CLDN16: variants seen among roughly 807,000 people sequenced by gnomAD.
CLDN16 encodes claudin 16.
A neutral mutation model predicts 24.6 loss-of-function variants in CLDN16; 13 were observed. The observed-to-expected ratio is 0.53, with a 90% CI of 0.34 to 0.84. The LOEUF (loss-of-function observed/expected upper bound fraction) is 0.84, where lower values mean the gene tolerates loss of function less well. Among genes scored for constraint, CLDN16 ranks in the 40% least tolerant of loss-of-function variants. CLDN16 has a pLI of 0.01. For synonymous variants in CLDN16, 116 were observed against 106.7 expected (o/e 1.09, Z -0.54); for missense variants, 298 against 292.7 (o/e 1.02, Z -0.13).
chr3:190,372,594 T>C (rs930986515), intron 2 of CLDN16, among the ~76,000 whole-genome samples: 7 of 151,866 alleles, frequency 4.6e-5, no homozygotes, highest in Non-Finnish European at 7.4e-5. Flanking sequence ...CAGTGAGCTG[T>C]GAATGTCCTA....
At chr3:190,361,901 A>G (rs907337763) in intron 1 of CLDN16, among the ~76,000 whole-genome samples, 1 of 151,086 alleles carries the variant, frequency 6.6e-6, no homozygotes, top group Non-Finnish European at 1.5e-5. Context: ...ACTGTAATAA[A>G]GAAATGGGCA....
At chr3:190,376,667 C>G (rs1376431308) in intron 3 of CLDN16, among the ~76,000 whole-genome samples, 1 of 151,806 alleles carries the variant, frequency 6.6e-6, no homozygotes, top group Non-Finnish European at 1.5e-5. Context: ...TTTAGGTATC[C>G]AAACTTAATC....
At chr3:190,298,584 T>A in the CLDN16 span, among the ~76,000 whole-genome samples, 4 of 152,064 alleles carry the variant, frequency 2.6e-5, no homozygotes, top group African/African-American at 9.7e-5. Context: ...GCCTCCCAAG[T>A]AGCTGGAATT....
chr3:190,409,034 T>C (rs1260542865), intron 4 of CLDN16, among the ~76,000 whole-genome samples: 1 of 151,058 alleles, frequency 6.6e-6, no homozygotes, highest in Non-Finnish European at 1.5e-5. Flanking sequence ...ATAGTTGTAG[T>C]TGTGGATTTT....
upstream of CLDN16, among the ~76,000 whole-genome samples, chr3:190,385,095 C>T (rs906276039): frequency 2.0e-5 from 3 of 152,100 alleles, no homozygotes; most frequent in African/African-American, 7.2e-5. Flanking sequence ...GTTCTTCCAA[C>T]CGTTTATTTT....
At chr3:190,397,139 G>C (rs748065117) in intron 1 of CLDN16, among the ~76,000 whole-genome samples, 14 of 152,016 alleles carry the variant, frequency 9.2e-5, no homozygotes, top group Non-Finnish European at 2.1e-4. Context: ...CACATTTTTG[G>C]CAACTAATTA....
chr3:190,299,486 CTTAT>C, the CLDN16 span, among the ~76,000 whole-genome samples: 1 of 151,604 alleles, frequency 6.6e-6, no homozygotes, highest in African/African-American at 2.4e-5. Context: ...GTTTTTGTGT[CTTAT>C]TTAATTAGAA....
In CLDN16 at chr3:190,366,027, T is replaced by G. The variant is rs143405604; in HGVS notation, n.122-4866T>G. The stretch of plus-strand genomic sequence containing the variant: ...GAGGATTCATGTTCGGAAAGCAAGT[T>G]TGTAAGTACATCAGCCCAGATATTG... On this transcript the variant is annotated intron_variant and non_coding_transcript_variant, in intron 1 of 4. Coordinates refer to the CLDN16 transcript ENST00000468220. Among the ~76,000 whole-genome samples, 219 of 151,988 alleles carry G rather than the reference T, an allele frequency of 1.4e-3. 1 individual carries two copies. The highest frequency in any genetic ancestry group is 2.3e-3 in the Non-Finnish European group (158 of 67,896).
the CLDN16 span, among the ~76,000 whole-genome samples, chr3:190,290,786 A>G: frequency 5.9e-5 from 9 of 152,334 alleles, no homozygotes; most frequent in African/African-American, 2.2e-4. Context: ...GAAAGAAATG[A>G]AGAGGAATTA....
chr3:190,403,043 T>A (rs1273215172), intron 2 of CLDN16, among the ~76,000 whole-genome samples: 1 of 152,144 alleles, frequency 6.6e-6, no homozygotes, highest in Non-Finnish European at 1.5e-5. Context: ...AAATTATAGT[T>A]AAAGCCAGGT....
At chr3:190,310,739 T>C in the CLDN16 span, among the ~76,000 whole-genome samples, 1 of 152,128 alleles carries the variant, frequency 6.6e-6, no homozygotes, top group East Asian at 1.9e-4. Flanking sequence ...TCAGGACATG[T>C]CTCAGAATGG....
chr3:190,409,980 T>C lies in CLDN16; in HGVS notation c.652T>C (p.Tyr218His). Reference protein sequence around the residue: ...SAAGVSMAKSYSAPRTETAKM... With the variant: ...SAAGVSMAKSHSAPRTETAKM... ...CGCGGGTGTTTCCATGGCCAAGTCA[T>C]ACTCAGCCCCTCGCACAGAGACGGC... Residue 218 changes from tyrosine (Y) to histidine (H), a missense_variant, in exon 5 of 5, where the codon TAC becomes CAC. By Grantham distance (83) the Tyr-to-His change is moderately conservative. Coordinates refer to ENST00000264734, the MANE Select transcript of CLDN16 (RefSeq NM_006580.4). 6.2e-7 allele frequency: 1 copy of C among 1,614,098 alleles called. No individual in the cohort carries two copies. Among genetic ancestry groups the C allele is most frequent in the Non-Finnish European group, 8.5e-7 (1 of 1,179,982 alleles).
intron 1 of CLDN16, among the ~76,000 whole-genome samples, chr3:190,327,986 G>T (rs1717103945): frequency 6.6e-6 from 1 of 152,088 alleles, no homozygotes; most frequent in South Asian, 2.1e-4. Flanking sequence ...ATGCGATGAA[G>T]ATCATAATTT....
chr3:190,386,960 G>C (rs146142843), upstream of CLDN16, among the ~76,000 whole-genome samples: 568 of 152,264 alleles, frequency 3.7e-3, 5 homozygotes, highest in Middle Eastern at 3.4e-3. Flanking sequence ...ATGGAAAAAA[G>C]TAATCCTTTT....
chr3:190,358,923 T>G (rs1412206417), intron 1 of CLDN16, among the ~76,000 whole-genome samples: 2 of 152,050 alleles, frequency 1.3e-5, no homozygotes, highest in African/African-American at 4.8e-5. Context: ...GCCTTTCCTT[T>G]GAAAAATATT....
chr3:190,353,478 G>A (rs548926866), intron 1 of CLDN16, among the ~76,000 whole-genome samples: 2 of 152,108 alleles, frequency 1.3e-5, no homozygotes, highest in African/African-American at 4.8e-5. Flanking sequence ...CCAGGAATAT[G>A]TATATTTAAT....
intron 1 of CLDN16, among the ~76,000 whole-genome samples, chr3:190,370,010 TG>T (rs1244079715): frequency 6.6e-6 from 1 of 151,978 alleles, no homozygotes; most frequent in Non-Finnish European, 1.5e-5. Flanking sequence ...AGAGGACATT[TG>T]TTTTTACCCT....
intron 1 of CLDN16, among the ~76,000 whole-genome samples, chr3:190,344,047 T>C (rs532177925): frequency 6.6e-6 from 1 of 152,266 alleles, no homozygotes; most frequent in African/African-American, 2.4e-5. Context: ...ATCATTTTAC[T>C]ATATACATGT....
At chr3:190,293,228 A>C in the CLDN16 span, among the ~76,000 whole-genome samples, 1 of 152,214 alleles carries the variant, frequency 6.6e-6, no homozygotes, top group Admixed American at 6.5e-5. Flanking sequence ...ACCTTATAAA[A>C]CTATTGGATC....
Sources: allele counts gnomAD v4.1 joint callset (sites outside exome capture counted in the v4.1 genomes callset), GRCh38; gene constraint gnomAD v4.1.1; transcripts MANE v1.5; gene names NCBI Gene and HGNC (gene_info 2026-07-23, HGNC 2026-07-21).